Variants in NF1 observed in about 807,000 individuals in gnomAD.
NF1 encodes neurofibromin.
In NF1, 122 loss-of-function variants were observed where a neutral mutation model predicts 325.7. The ratio of observed to expected loss-of-function variants is 0.37; its 90% CI spans 0.32 to 0.44. The LOEUF is 0.44. NF1 is among the 20% of genes least tolerant of loss of function. The pLI, the probability that NF1 is intolerant of heterozygous loss-of-function variation, is 1.00. For synonymous variants in NF1, 1,091 were observed against 1,186.0 expected (o/e 0.92, Z 1.65); for missense variants, 2,140 against 3,415.4 (o/e 0.63, Z 9.31).
chr17:31,108,930 A>G (rs1182053567), intron 1 of NF1, among the ~76,000 whole-genome samples: 3 of 152,104 alleles, frequency 2.0e-5, no homozygotes, highest in Non-Finnish European at 4.4e-5. Context: ...ATCTATGAGA[A>G]TCAAAGATAG....
In NF1 at chr17:31,336,300, A is replaced by G. The variant is rs746234879; in HGVS notation, c.6007-33A>G. ...AATTAAAAATTAAATTGGTAGAGTG[A>G]TTAAAAACATGTTATTTTCCTTCTT... On this transcript the variant is annotated intron_variant, in intron 40 of 57. Coordinates refer to ENST00000358273, the MANE Select transcript of NF1 (RefSeq NM_001042492.3). The surrounding 1 kb of genome is among the most constrained non-coding windows in gnomAD (Gnocchi z 5.5). 5.0e-6 allele frequency: 8 copies of G among 1,609,616 alleles called. No homozygotes were observed. The South Asian group carries it at 7.7e-5, about 15-fold the overall frequency.
chr17:31,306,977 C>T (rs191395669), intron 36 of NF1, among the ~76,000 whole-genome samples: 170 of 151,516 alleles, frequency 1.1e-3, no homozygotes, highest in African/African-American at 3.9e-3. Context: ...TAGTAAGATC[C>T]CATCTCTAAA....
intron 1 of NF1, chr17:31,136,512 A>G (rs1567805925): frequency 6.6e-6 from 1 of 152,202 alleles, no homozygotes; most frequent in Non-Finnish European, 1.5e-5. Context: ...TGTTTTGAGT[A>G]GTGTGATGAA....
At chr17:31,334,602 G>A in intron 39 of NF1, 1 of 494,010 alleles carries the variant, frequency 2.0e-6, no homozygotes, top group Non-Finnish European at 3.6e-6. Context: ...CTAAAATGGA[G>A]GAAAATAAGA....
intron 8 of NF1, among the ~76,000 whole-genome samples, chr17:31,198,012 G>A (rs564182158): frequency 5.4e-4 from 82 of 152,180 alleles, no homozygotes; most frequent in Non-Finnish European, 1.0e-3. Context: ...ATCATAACAG[G>A]TGTTGAACTT....
intron 55 of NF1, 72 bp from the exon 56 acceptor site, chr17:31,358,897 T>C (rs2151585735): frequency 7.5e-7 from 1 of 1,338,256 alleles, no homozygotes; most frequent in Non-Finnish European, 1.1e-6. Flanking sequence ...ATCAGCTATA[T>C]GACTTATTTA....
chr17:31,201,562 T>C (rs1335519255), intron 11 of NF1, 77 bp downstream of exon 11: 3 of 1,068,330 alleles, frequency 2.8e-6, no homozygotes, highest in Non-Finnish European at 4.3e-6. Flanking sequence ...TTTTAAGAAA[T>C]GCACTCTTGG....
intron 13 of NF1, 102 bp downstream of exon 13, chr17:31,214,687 T>G: frequency 9.3e-7 from 1 of 1,074,856 alleles, no homozygotes; most frequent in Non-Finnish European, 1.4e-6. Flanking sequence ...TCAAGAGCAC[T>G]TACTGATCCT....
At chr17:31,247,681 T>A (rs1165674887) in intron 29 of NF1, among the ~76,000 whole-genome samples, 1 of 152,212 alleles carries the variant, frequency 6.6e-6, no homozygotes, top group East Asian at 1.9e-4. Flanking sequence ...GTAGCTGCCT[T>A]AGAGAATCTC....
chr17:31,151,946 A>G (rs1481387145), intron 1 of NF1, among the ~76,000 whole-genome samples: 3 of 152,036 alleles, frequency 2.0e-5, no homozygotes, highest in Non-Finnish European at 4.4e-5. Flanking sequence ...GGTTTGTTAC[A>G]TATGTATACA....
chr17:31,320,474 A>G (rs752736007), intron 36 of NF1: 14 of 1,565,374 alleles, frequency 8.9e-6, no homozygotes, highest in Non-Finnish European at 1.2e-5. Flanking sequence ...AAGGTTTTAT[A>G]AGAAATGGTT....
intron 36 of NF1, among the ~76,000 whole-genome samples, chr17:31,314,678 T>C (rs1186135944): frequency 6.6e-6 from 1 of 152,228 alleles, no homozygotes; most frequent in Non-Finnish European, 1.5e-5. Context: ...TGTGTATATG[T>C]ACCATATTTT....
At chr17:31,222,620 A>G in intron 15 of NF1, 1 of 716,884 alleles carries the variant, frequency 1.4e-6, no homozygotes, top group Non-Finnish European at 1.7e-6. Context: ...TTACTACATT[A>G]AAGAGTAAAA....
intron 1 of NF1, among the ~76,000 whole-genome samples, chr17:31,140,092 C>T (rs1916108038): frequency 1.3e-5 from 2 of 152,134 alleles, no homozygotes; most frequent in African/African-American, 4.8e-5. Flanking sequence ...GGGGATAAAA[C>T]GATTACAAGA....
At chr17:31,361,021 T>C (rs915678459) in intron 57 of NF1, 26 of 325,594 alleles carry the variant, frequency 8.0e-5, no homozygotes, top group South Asian at 1.5e-4. Flanking sequence ...ATTTATTTAC[T>C]AGATATACTA....
In NF1 at chr17:31,349,168, T is replaced by C. The variant is rs775181940; in HGVS notation, c.7238T>C (p.Leu2413Ser). The C allele has an allele frequency of 6.2e-7, 1 of 1,612,050 alleles. No homozygotes were observed. The highest frequency in any genetic ancestry group is 1.1e-5 in the South Asian group (1 of 90,694). ...ATTGTTGCAAGAACAGTCAGAATTT[T>C]ACATACACTACTAACTCTGGTTAAC... Reference protein sequence around the residue: ...PAIVARTVRILHTLLTLVNKH... With the variant: ...PAIVARTVRISHTLLTLVNKH... Residue 2413 changes from leucine (L) to serine (S), a missense_variant, in exon 49 of 58, where the codon TTA (leucine) becomes TCA (serine). Leu to Ser is a moderately radical substitution (Grantham distance 145). Transcript: ENST00000358273.
At chr17:31,120,052 C>T (rs1196588616) in intron 1 of NF1, among the ~76,000 whole-genome samples, 2 of 152,146 alleles carry the variant, frequency 1.3e-5, no homozygotes, top group East Asian at 1.9e-4. Flanking sequence ...GTGATGCCTC[C>T]AGCTTTGTTC....
chr17:31,197,063 G>A (rs1209028168), intron 8 of NF1, among the ~76,000 whole-genome samples: 3 of 139,758 alleles, frequency 2.1e-5, no homozygotes, highest in Non-Finnish European at 3.1e-5. Context: ...TTTTTTTTTT[G>A]AGATGGAGTC....
rs893551322 is a variant in NF1, at chr17:31,375,706, C to A, written c.*1551C>A. 4 of 232,556 alleles carry A rather than the reference C, an allele frequency of 1.7e-5. No homozygotes were observed. Among genetic ancestry groups the A allele is most frequent in the Non-Finnish European group, 3.4e-5 (4 of 117,540 alleles). 14.4% of individuals were successfully genotyped at this position (232,556 alleles called of 1,614,324 possible). ...TTAGAGGATTTCAGTAAATTAAATT[C>A]CACAGCTAATTCAATAAATAATGGT... is the stretch of plus-strand genomic sequence containing the variant. On this transcript the variant is annotated 3_prime_UTR_variant, in exon 58 of 58. Transcript: ENST00000358273.
Sources: allele counts gnomAD v4.1 joint callset (sites outside exome capture counted in the v4.1 genomes callset), GRCh38; gene constraint gnomAD v4.1.1; non-coding constraint Gnocchi (gnomAD v3.1); transcripts MANE v1.5; gene names NCBI Gene and HGNC (gene_info 2026-07-23, HGNC 2026-07-21).